DMD: variants seen among roughly 807,000 people sequenced by gnomAD.
DMD encodes dystrophin.
DMD carries 63 observed loss-of-function variants against 330.1 expected under a neutral mutation model. The observed-to-expected ratio is 0.19, with a 90% CI of 0.16 to 0.24. The LOEUF (loss-of-function observed/expected upper bound fraction) is 0.24, where lower values mean the gene tolerates loss of function less well. Ranked by LOEUF, DMD falls within the 10% of genes least tolerant of loss-of-function variation. The pLI, the probability that DMD is intolerant of heterozygous loss-of-function variation, is 1.00. For missense variants in DMD, 3,344 were observed against 2,684.1 expected (o/e 1.25, Z -5.43); for synonymous variants, 1,223 against 959.8 (o/e 1.27, Z -5.07).
chrX:31,905,021 C>T (rs1484580680), intron 47 of DMD, among the ~76,000 whole-genome samples: 2 of 111,152 alleles, frequency 1.8e-5, no homozygotes, highest in African/African-American at 3.3e-5. Context: ...CATATTTTAA[C>T]GAGTTACTGA....
intron 63 of DMD, among the ~76,000 whole-genome samples, chrX:31,237,772 T>TGCA (rs1246217189): frequency 8.9e-6 from 1 of 111,866 alleles, no homozygotes; most frequent in Non-Finnish European, 1.9e-5. Flanking sequence ...CAGGCTGGAA[T>TGCA]GCAGTGGCAT....
chrX:32,415,254 T>G (rs1028503513), intron 29 of DMD, among the ~76,000 whole-genome samples: 1 of 112,044 alleles, frequency 8.9e-6, no homozygotes. Flanking sequence ...AAACCTAACT[T>G]TTTCTATTCA....
At chrX:32,523,909 A>C (rs1474574079) in intron 17 of DMD, among the ~76,000 whole-genome samples, 1 of 108,796 alleles carries the variant, frequency 9.2e-6, no homozygotes, top group Non-Finnish European at 1.9e-5. Context: ...TTGAAAGTAA[A>C]TAATTTTCAT....
Position 32,448,185 on chromosome X carries a change from A to G in DMD, c.3786+271T>C, listed in dbSNP as rs193277243. On this transcript the variant is annotated intron_variant, in intron 27 of 78. Transcript: ENST00000357033. ...GAGAATTAGAAGCATAGCTACTCACATATATTGAGTACTAGGCTAAGTAGT... is the reference window on the plus strand; with the variant it reads ...GAGAATTAGAAGCATAGCTACTCACGTATATTGAGTACTAGGCTAAGTAGT... Among the ~76,000 whole-genome samples, 487 of 111,329 alleles carry G rather than the reference A, an allele frequency of 4.4e-3. 3 individuals are homozygous for G. The highest frequency in any genetic ancestry group is 0.015 in the African/African-American group (452 of 30,864).
intron 1 of DMD, among the ~76,000 whole-genome samples, chrX:33,036,824 C>CATACAT (rs779059343): frequency 1.1e-5 from 1 of 92,080 alleles, no homozygotes; most frequent in Non-Finnish European, 2.2e-5. Flanking sequence ...TATATATATA[C>CATACAT]ATACATATAC....
intron 9 of DMD, among the ~76,000 whole-genome samples, chrX:32,655,745 A>G (rs1325278174): frequency 1.8e-5 from 2 of 111,464 alleles, no homozygotes; most frequent in Non-Finnish European, 3.8e-5. Context: ...GGGGTGTTAA[A>G]GTCTCCCATT....
intron 29 of DMD, among the ~76,000 whole-genome samples, chrX:32,437,832 A>C (rs66703963): frequency 0.11 from 12,171 of 112,136 alleles, 704 homozygotes; most frequent in Admixed American, 0.24. Context: ...GTTATTTATG[A>C]AGAATAAATA....
chrX:32,528,710 A>G (rs777677161), intron 17 of DMD, among the ~76,000 whole-genome samples: 1 of 110,926 alleles, frequency 9.0e-6, no homozygotes, highest in African/African-American at 3.3e-5. Flanking sequence ...CCTGCTAGCT[A>G]AAAGCTTCAT....
chrX:32,711,330 A>T (rs1163192922), intron 7 of DMD, among the ~76,000 whole-genome samples: 3 of 110,743 alleles, frequency 2.7e-5, no homozygotes, highest in African/African-American at 6.6e-5. Context: ...ATGACCAGAA[A>T]CCCAGGGGCT....
In DMD at chrX:31,121,652, C is replaced by T. The variant is rs1457563488; in HGVS notation, c.*267G>A. On this transcript the variant is annotated 3_prime_UTR_variant, in exon 79 of 79. Transcript: ENST00000357033. ...TAACTTTTTTGTACAATTGCATAGACGTGTAAAACCTGCCATTGTTAACAA... is the reference window on the plus strand; with the variant it reads ...TAACTTTTTTGTACAATTGCATAGATGTGTAAAACCTGCCATTGTTAACAA... 1.2e-5 allele frequency: 5 copies of T among 418,764 alleles called. No homozygotes were observed. The highest frequency in any genetic ancestry group is 8.2e-5 in the South Asian group (2 of 24,514). 34.5% of individuals were successfully genotyped at this position (418,764 alleles called of 1,213,427 possible).
intron 2 of DMD, among the ~76,000 whole-genome samples, chrX:32,888,967 G>A (rs752071643): frequency 2.9e-4 from 32 of 109,550 alleles, no homozygotes; most frequent in African/African-American, 8.3e-4. Flanking sequence ...TATTTTCTCC[G>A]TCTCTGAGCC....
rs193024450 is a variant in DMD, at chrX:32,417,008, T to C, written c.4072-5095A>G. Among the ~76,000 whole-genome samples the C allele has an allele frequency of 6.7e-3, 746 of 112,140 alleles. 4 individuals are homozygous for C. In the South Asian group the frequency reaches 0.068, roughly 10 times the overall value. ...TACTAAGAATACTGGTGGGTGTATA[T>C]CATTTTTGATAAACTATTTCCTCCT... On this transcript the variant is annotated intron_variant, in intron 29 of 78. Coordinates refer to ENST00000357033, the MANE Select transcript of DMD (RefSeq NM_004006.3).
chrX:32,171,210 C>T (rs1324794142), intron 44 of DMD, among the ~76,000 whole-genome samples: 2 of 111,331 alleles, frequency 1.8e-5, no homozygotes, highest in Non-Finnish European at 3.8e-5. Flanking sequence ...CATCATAGGG[C>T]CTTTGAAATA....
intron 7 of DMD, among the ~76,000 whole-genome samples, chrX:32,780,452 T>A (rs192380778): frequency 7.1e-5 from 8 of 112,355 alleles, no homozygotes; most frequent in African/African-American, 2.6e-4. Flanking sequence ...TTCTGCAGCT[T>A]CTTGTATATC....
intron 32 of DMD, among the ~76,000 whole-genome samples, chrX:32,387,016 A>G (rs931432127): frequency 9.0e-6 from 1 of 110,670 alleles, no homozygotes; most frequent in African/African-American, 3.3e-5. Flanking sequence ...TTCAATATAT[A>G]TTGTATCATA....
At chrX:31,287,986 C>T (rs769578580) in intron 62 of DMD, among the ~76,000 whole-genome samples, 1 of 111,441 alleles carries the variant, frequency 9.0e-6, no homozygotes, top group Non-Finnish European at 1.9e-5. Flanking sequence ...AGGCTGTCCT[C>T]AAAATGATAA....
chrX:31,200,510 G>A (rs771039259), intron 67 of DMD, among the ~76,000 whole-genome samples: 50 of 112,291 alleles, frequency 4.5e-4, no homozygotes, highest in Non-Finnish European at 7.5e-4. Context: ...GAATTCATGT[G>A]AACAAAGTTT....
chrX:33,172,440 G>A (rs1399201637), intron 1 of DMD, among the ~76,000 whole-genome samples: 1 of 111,674 alleles, frequency 9.0e-6, no homozygotes, highest in Admixed American at 9.5e-5. Flanking sequence ...GAGTTGGAAT[G>A]AAGTTAAGTG....
At chrX:33,163,632 C>CTATCTATGTATCTATG (rs1429986574) in intron 1 of DMD, among the ~76,000 whole-genome samples, 156 of 104,033 alleles carry the variant, frequency 1.5e-3, no homozygotes, top group Middle Eastern at 9.8e-3. Context: ...ATCTATCTAT[C>CTATCTATGTATCTATG]TATCTATCTA....
Sources: allele counts gnomAD v4.1 joint callset (sites outside exome capture counted in the v4.1 genomes callset), GRCh38; gene constraint gnomAD v4.1.1; transcripts MANE v1.5; gene names NCBI Gene and HGNC (gene_info 2026-07-23, HGNC 2026-07-21).